The following ALPK3 variants were observed in gnomAD, a reference collection of about 807,000 sequenced individuals.
ALPK3 encodes the protein alpha kinase 3, also known as alpha-protein kinase 3.
In ALPK3, 102 loss-of-function variants were observed where a neutral mutation model predicts 140.0. That is an observed-to-expected ratio of 0.73 (90% confidence interval 0.62 to 0.86). The LOEUF is 0.86. Ranked by LOEUF, ALPK3 falls within the 40% of genes least tolerant of loss-of-function variation. The pLI is 0.00. For missense variants in ALPK3, 2,254 were observed against 2,208.2 expected, an observed-to-expected ratio of 1.02 and a Z score of -0.42; for synonymous variants, 938 against 898.5, an observed-to-expected ratio of 1.04 and a Z score of -0.79.
chr15:84,823,401 G>T, intron 2 of ALPK3, 33 bp downstream of exon 2: 1 of 1,613,290 alleles, frequency 6.2e-7, no homozygotes. Context: ...TTCTCTGACT[G>T]CTTTTTCCTT....
At chr15:84,835,299 G>A (rs531539890) in intron 3 of ALPK3, among the ~76,000 whole-genome samples, 7 of 152,254 alleles carry the variant, frequency 4.6e-5, no homozygotes, top group Non-Finnish European at 2.9e-5. Flanking sequence ...TTACAGCCAG[G>A]GCTGCCCAGA....
chr15:84,838,304 C>G (rs956045261), intron 3 of ALPK3, among the ~76,000 whole-genome samples: 3 of 152,098 alleles, frequency 2.0e-5, no homozygotes, highest in African/African-American at 7.2e-5. Flanking sequence ...GGATAGAGCC[C>G]TTACTGCAGT....
At chr15:84,863,485 T>C in intron 10 of ALPK3, 67 bp from the exon 11 acceptor site, 1 of 1,415,664 alleles carries the variant, frequency 7.1e-7, no homozygotes, top group Admixed American at 1.9e-5. Flanking sequence ...CCCACTCACT[T>C]AGGGGTAGAC....
intron 5 of ALPK3, among the ~76,000 whole-genome samples, chr15:84,849,560 T>G (rs1963777760): frequency 2.6e-5 from 4 of 152,198 alleles, no homozygotes; most frequent in Admixed American, 2.6e-4. Flanking sequence ...TAATACAAAG[T>G]ATGTACTCTG....
intron 1 of ALPK3, among the ~76,000 whole-genome samples, chr15:84,821,541 C>T (rs376754217): frequency 3.1e-4 from 47 of 152,252 alleles, no homozygotes; most frequent in African/African-American, 9.4e-4. Flanking sequence ...TCTGCCCACG[C>T]GGCCTCCAGA....
intron 3 of ALPK3, among the ~76,000 whole-genome samples, chr15:84,835,008 G>A (rs1963583937): frequency 6.6e-6 from 1 of 152,254 alleles, no homozygotes; most frequent in Non-Finnish European, 1.5e-5. Context: ...GCACCAGAGG[G>A]TGGCATGGAG....
intron 3 of ALPK3, among the ~76,000 whole-genome samples, chr15:84,831,131 G>A (rs1963541844): frequency 6.6e-6 from 1 of 152,140 alleles, no homozygotes; most frequent in Admixed American, 6.5e-5. Context: ...TGCTTCCAGT[G>A]TTGCTTTTCA....
At chr15:84,818,400 C>T (rs538128842) in intron 1 of ALPK3, among the ~76,000 whole-genome samples, 33 of 152,342 alleles carry the variant, frequency 2.2e-4, no homozygotes, top group African/African-American at 7.5e-4. Flanking sequence ...CACAGGCACA[C>T]GTGGACAGGC....
At chr15:84,846,683 AAAAC>A (rs574045837) in intron 5 of ALPK3, among the ~76,000 whole-genome samples, 66 of 152,294 alleles carry the variant, frequency 4.3e-4, no homozygotes, top group Admixed American at 2.9e-3. Flanking sequence ...ACCCTGTCTC[AAAAC>A]AAACAAACAA....
chr15:84,824,088 A>T (rs896283270), intron 2 of ALPK3, among the ~76,000 whole-genome samples: 10 of 152,216 alleles, frequency 6.6e-5, no homozygotes, highest in Non-Finnish European at 1.2e-4. Context: ...TAACCATGGT[A>T]ACTGCCTTTT....
Position 84,859,851 on chromosome 15 carries a change from C to T in ALPK3, c.4041C>T (p.Thr1347=), listed in dbSNP as rs1596156987. 3 of 1,614,100 alleles carry T rather than the reference C, an allele frequency of 1.9e-6. No individual in the cohort carries two copies. The highest frequency in any genetic ancestry group is 2.2e-5 in the South Asian group (2 of 91,088). Reference sequence around the variant, plus strand: ...TAGACTGCGGTGTGTATCGGTGCACCATCCACAATGAGCACGGCTCGGCCT... The same window carrying T: ...TAGACTGCGGTGTGTATCGGTGCACTATCCACAATGAGCACGGCTCGGCCT... ...SPVDCGVYRC[T]IHNEHGSAST... Residue 1347 remains threonine, a synonymous_variant, in exon 8 of 14, where the codon ACC becomes ACT. Coordinates refer to ENST00000258888, the MANE Select transcript of ALPK3 (RefSeq NM_020778.5).
chr15:84,869,266 T>G lies in ALPK3; in HGVS notation c.*810T>G, dbSNP rs1411365501. Reference sequence around the variant, plus strand: ...CAATACCCAGGTGAGGAACAGACCCTCTGGCCTCTCACCCCACTTCAGTGC... The same window carrying G: ...CAATACCCAGGTGAGGAACAGACCCGCTGGCCTCTCACCCCACTTCAGTGC... On this transcript the variant is annotated 3_prime_UTR_variant, in exon 14 of 14. Coordinates refer to ENST00000258888, the MANE Select transcript of ALPK3 (RefSeq NM_020778.5). 6.6e-6 allele frequency: 1 copy of G among 152,444 alleles called. No individual in the cohort carries two copies. The highest frequency in any genetic ancestry group is 2.4e-5 in the African/African-American group (1 of 41,442). 9.4% of individuals were successfully genotyped at this position (152,444 alleles called of 1,614,324 possible).
intron 5 of ALPK3, among the ~76,000 whole-genome samples, chr15:84,850,185 C>T (rs1963786552): frequency 6.6e-6 from 1 of 151,924 alleles, no homozygotes; most frequent in African/African-American, 2.4e-5. Flanking sequence ...AAAACTTATG[C>T]AAAAATGACT....
intron 5 of ALPK3, among the ~76,000 whole-genome samples, chr15:84,846,764 T>G (rs1963735630): frequency 6.6e-6 from 1 of 152,212 alleles, no homozygotes. Flanking sequence ...TATTTTTTAT[T>G]TTTTTGAGAC....
chr15:84,823,354 C>T lies in ALPK3; in HGVS notation c.168C>T (p.His56=), dbSNP rs773308589. The change falls in exon 2 of 14, where the codon CAC becomes CAT. Residue 56 remains histidine, a synonymous_variant. Transcript: ENST00000258888. The stretch of plus-strand genomic sequence containing the variant: ...GCTTATCAAGCAACCGGTTGTCTCA[C>T]CCCAGCTCTGGAAGGTAAATGCATA... ...ETSLSSNRLS[H]PSSGRSTFCS... 151 of 1,614,082 alleles carry T rather than the reference C, an allele frequency of 9.4e-5. 1 individual carries two copies. The highest frequency in any genetic ancestry group is 7.8e-5 in the Non-Finnish European group (92 of 1,180,046).
rs143839756 is a variant in ALPK3 at position 84,848,565 on chromosome 15, G to A, written c.1653+7633G>A. On this transcript the variant is annotated intron_variant, in intron 5 of 13. Coordinates refer to ENST00000258888, the MANE Select transcript of ALPK3 (RefSeq NM_020778.5). ...TAGGGAAACACAGGAAGGAAAAACA[G>A]GAAACAAATAGAAAACAAATAGTAA... 1.1e-3 allele frequency among the ~76,000 whole-genome samples: 173 copies of A among 152,044 alleles called. 2 individuals are homozygous for A. The highest frequency in any genetic ancestry group is 4.1e-3 in the African/African-American group (169 of 41,462).
chr15:84,842,666 A>C (rs996607932), intron 5 of ALPK3, among the ~76,000 whole-genome samples: 2 of 152,120 alleles, frequency 1.3e-5, no homozygotes, highest in African/African-American at 4.8e-5. Context: ...TTTAAGGGTG[A>C]CCATGGGAAA....
intron 11 of ALPK3, among the ~76,000 whole-genome samples, 158 bp downstream of exon 11, chr15:84,863,798 A>G (rs1437034576): frequency 6.6e-6 from 1 of 152,222 alleles, no homozygotes; most frequent in Non-Finnish European, 1.5e-5. Flanking sequence ...CACAAAATGT[A>G]GAAATAGAGA....
In ALPK3 at chr15:84,839,765, C is replaced by T; in HGVS notation, c.486C>T (p.Ser162=). The stretch of plus-strand genomic sequence containing the variant: ...CCCAGAACAGCAAGGGCATTGTGTC[C>T]TGCTCAGGGGTCCTGGAGGTGGGCA... ...ASAQNSKGIV[S]CSGVLEVGTM... Residue 162 remains serine (S), a synonymous_variant, in exon 5 of 14, where the codon TCC becomes TCT. Transcript: ENST00000258888. 1.1e-5 allele frequency: 18 copies of T among 1,614,172 alleles called. No individual in the cohort carries two copies. The highest frequency in any genetic ancestry group is 1.5e-5 in the Non-Finnish European group (18 of 1,180,018).
Sources: allele counts gnomAD v4.1 joint callset (sites outside exome capture counted in the v4.1 genomes callset), GRCh38; gene constraint gnomAD v4.1.1; transcripts MANE v1.5; gene names NCBI Gene and HGNC (gene_info 2026-07-23, HGNC 2026-07-21).